Variants in SUMF1 observed in about 807,000 individuals in gnomAD.
SUMF1 encodes sulfatase modifying factor 1.
A neutral mutation model predicts 47.6 loss-of-function variants in SUMF1; 48 were observed. The observed-to-expected ratio is 1.01, with a 90% CI of 0.80 to 1.28. SUMF1 has a LOEUF of 1.28. Ranked by LOEUF, SUMF1 falls within the 50% of genes most tolerant of loss-of-function variation. The pLI, the probability that SUMF1 is intolerant of heterozygous loss-of-function variation, is 0.00. For missense variants in SUMF1, 571 were observed against 485.4 expected, an observed-to-expected ratio of 1.18 and a Z score of -1.66; for synonymous variants, 230 against 192.1, an observed-to-expected ratio of 1.20 and a Z score of -1.63.
intron 8 of SUMF1, among the ~76,000 whole-genome samples, chr3:4,367,131 G>C (rs1191460717): frequency 1.4e-5 from 2 of 147,194 alleles, no homozygotes; most frequent in African/African-American, 2.7e-5. Context: ...GCCCCTACTG[G>C]GGGGGTGCCT....
intron 8 of SUMF1, among the ~76,000 whole-genome samples, chr3:4,241,099 A>G (rs1364627762): frequency 1.3e-5 from 2 of 152,124 alleles, no homozygotes; most frequent in Non-Finnish European, 2.9e-5. Flanking sequence ...AATTTAGATA[A>G]TTAGAGAGAA....
At chr3:4,367,334 C>G (rs550786855) in intron 8 of SUMF1, among the ~76,000 whole-genome samples, 1 of 152,348 alleles carries the variant, frequency 6.6e-6, no homozygotes, top group South Asian at 2.1e-4. Flanking sequence ...GTGGAGCCTA[C>G]AGAGGCAGCC....
intron 8 of SUMF1, chr3:4,312,915 A>C (rs1410748035): frequency 6.2e-7 from 1 of 1,611,978 alleles, no homozygotes; most frequent in South Asian, 1.1e-5. Context: ...CTGATCATGT[A>C]GTTGGACCTG....
intron 8 of SUMF1, among the ~76,000 whole-genome samples, chr3:4,172,644 C>T (rs1220671481): frequency 2.0e-5 from 3 of 152,144 alleles, no homozygotes; most frequent in Non-Finnish European, 2.9e-5. Flanking sequence ...GAAATGTCTT[C>T]TTTTGAGAAG....
At chr3:4,387,724 T>A (rs150584663) in intron 7 of SUMF1, among the ~76,000 whole-genome samples, 3 of 152,180 alleles carry the variant, frequency 2.0e-5, no homozygotes, top group Non-Finnish European at 4.4e-5. Flanking sequence ...TCTGCAAATT[T>A]CCCTCTTAGC....
chr3:4,303,621 C>G (rs1698045897), intron 8 of SUMF1: 7 of 1,387,180 alleles, frequency 5.0e-6, no homozygotes, highest in Non-Finnish European at 6.5e-6. Context: ...CCAGTCGCGA[C>G]CTTTTGTCTT....
chr3:4,355,973 G>C lies in SUMF1; in HGVS notation c.1014+20357C>G, dbSNP rs1375727180. ...CAATCCTAAATAGGGCAAGTTTCAG[G>C]AAAGAGCATTTCTCATTTTACAGCC... On this transcript the variant is annotated intron_variant and NMD_transcript_variant, in intron 8 of 12. Transcript: ENST00000448413. 3.9e-5 allele frequency among the ~76,000 whole-genome samples: 6 copies of C among 152,290 alleles called. No individual in the cohort carries two copies. In the East Asian group the frequency reaches 1.2e-3, roughly 29 times the overall value.
intron 8 of SUMF1, among the ~76,000 whole-genome samples, chr3:4,243,347 T>C (rs1055486396): frequency 2.0e-5 from 3 of 152,232 alleles, no homozygotes; most frequent in Non-Finnish European, 2.9e-5. Context: ...CTTTTAATTG[T>C]AGTGTTAGGC....
At position 4,420,099 on chromosome 3, in the gene SUMF1, T is replaced by C; in HGVS notation, c.567A>G (p.Arg189=). ...TAGTAGAGTCAGGCCCTTCTGGGTG[T>C]CTCCAGTTAGCGCCTTTCACAGGTA... ...WWLPVKGANW[R]HPEGPDSTIL... The change falls in exon 4 of 9, where the codon AGA becomes AGG. Residue 189 remains arginine (R), a synonymous_variant. Transcript: ENST00000272902. 6.2e-7 allele frequency: 1 copy of C among 1,614,072 alleles called. No homozygotes were observed.
chr3:4,140,715 A>G (rs1051658283), intron 8 of SUMF1, among the ~76,000 whole-genome samples: 1 of 151,920 alleles, frequency 6.6e-6, no homozygotes, highest in Non-Finnish European at 1.5e-5. Context: ...AAAATCCCAA[A>G]TTATTTTATT....
intron 8 of SUMF1, among the ~76,000 whole-genome samples, chr3:4,159,303 G>C (rs1392800798): frequency 6.9e-6 from 1 of 145,670 alleles, no homozygotes; most frequent in South Asian, 2.1e-4. Flanking sequence ...TGCATCCATT[G>C]CATGTTTTTT....
At chr3:4,215,391 A>G (rs945379803) in intron 8 of SUMF1, among the ~76,000 whole-genome samples, 2 of 152,162 alleles carry the variant, frequency 1.3e-5, no homozygotes, top group African/African-American at 4.8e-5. Context: ...GGTGGGATGC[A>G]TCGCAAAATA....
chr3:4,422,657 G>A (rs1030678184), intron 3 of SUMF1, among the ~76,000 whole-genome samples: 1 of 152,104 alleles, frequency 6.6e-6, no homozygotes, highest in Non-Finnish European at 1.5e-5. Flanking sequence ...ACAGTACATG[G>A]TGGAGTGGAA....
At chr3:4,304,998 G>GATTTTA (rs1698129950) in intron 8 of SUMF1, among the ~76,000 whole-genome samples, 1 of 152,110 alleles carries the variant, frequency 6.6e-6, no homozygotes, top group Non-Finnish European at 1.5e-5. Context: ...ACTATAGGTA[G>GATTTTA]ATTTTAATTT....
chr3:4,461,277 G>A (rs1051798218), intron 1 of SUMF1, among the ~76,000 whole-genome samples: 4 of 152,096 alleles, frequency 2.6e-5, no homozygotes, highest in African/African-American at 7.2e-5. Flanking sequence ...TCTAAGTGCT[G>A]GGACACAAGA....
At chr3:4,387,378 G>T (rs1285074654) in intron 7 of SUMF1, among the ~76,000 whole-genome samples, 1 of 151,946 alleles carries the variant, frequency 6.6e-6, no homozygotes, top group Non-Finnish European at 1.5e-5. Context: ...ACATTTATGG[G>T]TATACAGATG....
chr3:4,443,506 G>A (rs7631615), intron 3 of SUMF1, among the ~76,000 whole-genome samples: 3,394 of 152,294 alleles, frequency 0.022, 71 homozygotes, highest in African/African-American at 0.059. Context: ...GCTGATGCAC[G>A]TAATATCAGC....
intron 8 of SUMF1, among the ~76,000 whole-genome samples, chr3:4,284,500 C>A (rs1219453821): frequency 1.4e-5 from 2 of 143,340 alleles, no homozygotes; most frequent in Non-Finnish European, 3.1e-5. Context: ...AGAGAAAGTA[C>A]AAAAGAAGGG....
chr3:4,456,790 GTA>G (rs1337925522), intron 1 of SUMF1, among the ~76,000 whole-genome samples: 36 of 2,264 alleles, frequency 0.016, no homozygotes, highest in Admixed American at 0.071. Flanking sequence ...ACGTGTGTGT[GTA>G]TATATACGTG....
Sources: allele counts gnomAD v4.1 joint callset (sites outside exome capture counted in the v4.1 genomes callset), GRCh38; gene constraint gnomAD v4.1.1; transcripts MANE v1.5; gene names NCBI Gene and HGNC (gene_info 2026-07-23, HGNC 2026-07-21).